CTNNBIP1: variants seen among roughly 807,000 people sequenced by gnomAD.
The protein encoded by CTNNBIP1 is beta-catenin-interacting protein 1.
CTNNBIP1 carries 7 observed loss-of-function variants against 11.8 expected under a neutral mutation model. The ratio of observed to expected loss-of-function variants is 0.60; its 90% CI spans 0.34 to 1.12. The LOEUF is 1.12. Among genes scored for constraint, CTNNBIP1 ranks in the 50% most tolerant of loss-of-function variants. The probability of loss-of-function intolerance (pLI) is 0.03; values close to 1 mark genes in which losing one functional copy is unlikely to be tolerated. For missense variants in CTNNBIP1, 101 were observed against 113.4 expected (o/e 0.89, Z 0.50); for synonymous variants, 58 against 43.9 (o/e 1.32, Z -1.26).
intron 1 of CTNNBIP1, among the ~76,000 whole-genome samples, chr1:9,909,534 G>C (rs1639687791): frequency 6.6e-6 from 1 of 152,136 alleles, no homozygotes; most frequent in Non-Finnish European, 1.5e-5. Flanking sequence ...TGAAAAGGAG[G>C]TGAGAGGTGC....
chr1:9,865,628 C>A (rs565084603), intron 5 of CTNNBIP1, among the ~76,000 whole-genome samples: 92 of 151,538 alleles, frequency 6.1e-4, no homozygotes, highest in African/African-American at 2.0e-3. Context: ...AACAAAAAAA[C>A]AACAAGAAAA....
chr1:9,865,465 G>A lies in CTNNBIP1; in HGVS notation c.187+5722C>T, dbSNP rs560025001. On this transcript the variant is annotated intron_variant, in intron 5 of 5. Coordinates refer to ENST00000377263, the MANE Select transcript of CTNNBIP1 (RefSeq NM_020248.3). The stretch of plus-strand genomic sequence containing the variant: ...AAAATATATAAAAAATTAGCCAGGC[G>A]TGGTGGCGGGCGCCTGTAGTCCCAG... 3.3e-5 allele frequency among the ~76,000 whole-genome samples: 5 copies of A among 151,986 alleles called. No individual in the cohort carries two copies. The East Asian group carries it at 5.8e-4, about 18-fold the overall frequency.
At chr1:9,857,137 C>T (rs1333376869) in intron 5 of CTNNBIP1, among the ~76,000 whole-genome samples, 1 of 148,530 alleles carries the variant, frequency 6.7e-6, no homozygotes, top group African/African-American at 2.5e-5. Flanking sequence ...CAAAACAAAA[C>T]AAAACAAAAA....
intron 5 of CTNNBIP1, among the ~76,000 whole-genome samples, chr1:9,863,602 T>C (rs1638676665): frequency 6.6e-6 from 1 of 152,162 alleles, no homozygotes; most frequent in Admixed American, 6.5e-5. Flanking sequence ...AGCAGACACC[T>C]ACACTGCACC....
intron 1 of CTNNBIP1, among the ~76,000 whole-genome samples, chr1:9,897,588 G>T (rs1639437183): frequency 6.6e-6 from 1 of 151,726 alleles, no homozygotes; most frequent in Admixed American, 6.6e-5. Context: ...GGAGGCGGAG[G>T]TTGCAGTGAG....
intron 1 of CTNNBIP1, among the ~76,000 whole-genome samples, chr1:9,905,062 A>C (rs1194877049): frequency 6.6e-6 from 1 of 152,140 alleles, no homozygotes; most frequent in Non-Finnish European, 1.5e-5. Context: ...GGACAAGGAG[A>C]GCCTATTCCA....
intron 5 of CTNNBIP1, 151 bp from the exon 6 acceptor site, chr1:9,850,927 C>T: frequency 1.3e-6 from 1 of 742,208 alleles, no homozygotes; most frequent in South Asian, 1.5e-5. Flanking sequence ...AGTCTTCCTC[C>T]CCTCTGGTCT....
chr1:9,875,523 A>C (rs1048447469), intron 3 of CTNNBIP1, among the ~76,000 whole-genome samples: 4 of 152,184 alleles, frequency 2.6e-5, no homozygotes, highest in Non-Finnish European at 4.4e-5. Flanking sequence ...GACACCTCAC[A>C]CTGGGATTCC....
intron 3 of CTNNBIP1, among the ~76,000 whole-genome samples, chr1:9,876,845 T>TACATACACACACACACAC (rs1363392881): frequency 2.2e-5 from 3 of 138,102 alleles, no homozygotes; most frequent in Non-Finnish European, 4.8e-5. Flanking sequence ...CTGCTATACA[T>TACATACACACACACACAC]ACACACACAC....
At position 9,883,336 on chromosome 1, in the gene CTNNBIP1, G is replaced by A. The variant is rs374030402; in HGVS notation, c.-110+369C>T. On this transcript the variant is annotated intron_variant, in intron 2 of 5. Transcript: ENST00000377263. The surrounding 1 kb of genome is among the most constrained non-coding windows in gnomAD (Gnocchi z 5.6). ...GGACCTCACGAGGCCCAGGTGCAGG[G>A]CAGAGAGGGAGCAAGAACAGTGAGA... 6.6e-5 allele frequency among the ~76,000 whole-genome samples: 10 copies of A among 152,174 alleles called. No individual in the cohort carries two copies. The highest frequency in any genetic ancestry group is 2.6e-4 in the Admixed American group (4 of 15,284).
At chr1:9,864,490 G>A (rs566725395) in intron 5 of CTNNBIP1, among the ~76,000 whole-genome samples, 171 of 152,284 alleles carry the variant, frequency 1.1e-3, no homozygotes, top group Non-Finnish European at 1.6e-3. Context: ...CACCACGCCC[G>A]GCTAATTTTT....
At chr1:9,889,374 A>G (rs2101523684) in intron 1 of CTNNBIP1, among the ~76,000 whole-genome samples, 1 of 152,294 alleles carries the variant, frequency 6.6e-6, no homozygotes, top group South Asian at 2.1e-4. Context: ...GGCCAGGATC[A>G]GTGCCCACCA....
In CTNNBIP1 at chr1:9,849,915, C is replaced by T. The variant is rs796757283; in HGVS notation, c.*803G>A. On this transcript the variant is annotated 3_prime_UTR_variant, in exon 6 of 6. Coordinates refer to ENST00000377263, the MANE Select transcript of CTNNBIP1 (RefSeq NM_020248.3). ...GGGCCCAACTTTCCAGCTGTGGACC[C>T]TGCTCAGGGTTCTCGGGGTCCCCTT... 3.9e-5 allele frequency: 6 copies of T among 152,394 alleles called. No homozygotes were observed. The highest frequency in any genetic ancestry group is 1.4e-4 in the African/African-American group (6 of 41,544). The allele number at this position is 152,394 out of a possible 1,614,324, so 9.4% of individuals were successfully genotyped here.
intron 1 of CTNNBIP1, among the ~76,000 whole-genome samples, chr1:9,894,677 A>G (rs1445099014): frequency 6.6e-6 from 1 of 151,806 alleles, no homozygotes; most frequent in Non-Finnish European, 1.5e-5. Context: ...GCAGGCATGC[A>G]TCACTATACC....
rs952197903 is a variant in CTNNBIP1 at position 9,850,367 on chromosome 1, C to T, written c.*351G>A. 11 of 212,326 alleles carry T rather than the reference C, an allele frequency of 5.2e-5. No individual in the cohort carries two copies. In the East Asian group the frequency reaches 1.2e-3, roughly 24 times the overall value. The allele number at this position is 212,326 out of a possible 1,614,324, so 13.2% of individuals were successfully genotyped here. ...TAAAAAAATGACCTAACTAAAGCAC[C>T]AGAGCTCGGAGAGCTTCCAGGGAAG... On this transcript the variant is annotated 3_prime_UTR_variant, in exon 6 of 6. Transcript: ENST00000377263.
intron 5 of CTNNBIP1, among the ~76,000 whole-genome samples, chr1:9,857,896 C>T (rs1487241225): frequency 6.6e-6 from 1 of 152,194 alleles, no homozygotes; most frequent in African/African-American, 2.4e-5. Flanking sequence ...CAAGTGTTGG[C>T]CAGGTTGTGG....
intron 3 of CTNNBIP1, among the ~76,000 whole-genome samples, chr1:9,873,118 G>C (rs771923453): frequency 6.6e-6 from 1 of 152,112 alleles, no homozygotes; most frequent in Non-Finnish European, 1.5e-5. Context: ...GCCAGAGCCC[G>C]GGCAGCAGCC....
At chr1:9,910,052 G>C (rs186980222) in intron 1 of CTNNBIP1, 43 bp downstream of exon 1, 1 of 147,606 alleles carries the variant, frequency 6.8e-6, no homozygotes, top group Non-Finnish European at 1.5e-5. Flanking sequence ...GCGGCGCGGC[G>C]CGGGCCCGGG....
intron 3 of CTNNBIP1, among the ~76,000 whole-genome samples, chr1:9,875,396 C>T (rs1461010940): frequency 6.6e-6 from 1 of 152,204 alleles, no homozygotes; most frequent in Admixed American, 6.5e-5. Flanking sequence ...CATCACAGAC[C>T]GCCTCCATGG....
Sources: allele counts gnomAD v4.1 joint callset (sites outside exome capture counted in the v4.1 genomes callset), GRCh38; gene constraint gnomAD v4.1.1; non-coding constraint Gnocchi (gnomAD v3.1); transcripts MANE v1.5; gene names NCBI Gene and HGNC (gene_info 2026-07-23, HGNC 2026-07-21).